The following DRG2 variants were observed in gnomAD, a reference collection of about 807,000 sequenced individuals.
The protein encoded by DRG2 is developmentally-regulated GTP-binding protein 2.
DRG2 carries 36 observed loss-of-function variants against 53.4 expected under a neutral mutation model. The observed-to-expected ratio is 0.67, with a 90% CI of 0.52 to 0.89. The LOEUF is 0.89. Ranked by LOEUF, DRG2 falls within the 40% of genes least tolerant of loss-of-function variation. The probability of loss-of-function intolerance (pLI) is 0.00; values close to 1 mark genes in which losing one functional copy is unlikely to be tolerated. For missense variants in DRG2, 342 were observed against 481.2 expected (o/e 0.71, Z 2.71); for synonymous variants, 167 against 192.1 (o/e 0.87, Z 1.08).
At chr17:18,107,054 C>A in intron 12 of DRG2, 100 bp from the exon 13 acceptor site, 1 of 1,100,574 alleles carries the variant, frequency 9.1e-7, no homozygotes, top group Non-Finnish European at 1.4e-6. Flanking sequence ...CACCTTATGC[C>A]ATGGCATTTA....
intron 12 of DRG2, 134 bp from the exon 13 acceptor site, chr17:18,107,020 G>A (rs988970639): frequency 9.6e-6 from 7 of 726,970 alleles, no homozygotes; most frequent in East Asian, 2.7e-5. Context: ...AGACAACTGC[G>A]GACATCCTGC....
At position 18,100,552 on chromosome 17, in the gene DRG2, C is replaced by T; in HGVS notation, c.541-17C>T. On this transcript the variant is annotated splice_polypyrimidine_tract_variant and intron_variant, in intron 6 of 12. Transcript: ENST00000225729. The surrounding 1 kb of genome is among the most constrained non-coding windows in gnomAD (Gnocchi z 4.1). ...CCCTCGGTCAGCAGTTCTCCCCATC[C>T]CTTTCTCCTCTTTCAGCCCAAGAAA... 1.2e-6 allele frequency: 2 copies of T among 1,614,148 alleles called. No homozygotes were observed. Among genetic ancestry groups the T allele is most frequent in the Non-Finnish European group, 1.7e-6 (2 of 1,179,962 alleles).
Position 18,099,153 on chromosome 17 carries a change from T to C in DRG2, c.376+76T>C, listed in dbSNP as rs1216964484. On this transcript the variant is annotated intron_variant, in intron 4 of 12. Transcript: ENST00000225729. This position sits in a 1 kb window ranked among gnomAD's most constrained non-coding sequence, Gnocchi z 4.4. ...TCGTTGAAATTGGGTGTGGCTGTCA[T>C]GGAGATCACTCTGGATCCCTGGTCC... 3 of 1,582,428 alleles carry C rather than the reference T, an allele frequency of 1.9e-6. No homozygotes were observed. Among genetic ancestry groups the C allele is most frequent in the East Asian group, 2.2e-5 (1 of 44,680 alleles).
rs138795111 is a variant in DRG2 at position 18,093,889 on chromosome 17, G to T, written c.141G>T (p.Ser47=). Residue 47 remains serine (S), a synonymous_variant, in exon 2 of 13, where the codon TCG becomes TCT. Transcript: ENST00000225729. ...CCCAGCTCCTGGAACCGTCCAAATC[G>T]GCCTCGTCCAAAGGAGAGGGCTTTG... The part of the protein sequence containing the change: ...YRAQLLEPSK[S]ASSKGEGFDV... The T allele has an allele frequency of 2.5e-6, 4 of 1,614,132 alleles. No individual in the cohort carries two copies. The highest frequency in any genetic ancestry group is 4.5e-5 in the East Asian group (2 of 44,870).
chr17:18,088,032 C>T lies in DRG2; in HGVS notation c.9C>T (p.Ile3=), dbSNP rs1455639218. 1 of 1,549,788 alleles carries T rather than the reference C, an allele frequency of 6.5e-7. No homozygotes were observed. Among genetic ancestry groups the T allele is most frequent in the African/African-American group, 1.4e-5 (1 of 73,100 alleles). ...CCACCTCTGCTGCTACCATGGGGAT[C>T]TTAGAGAAGATCTCGGAGATCGAGA... MG[I]LEKISEIEKE... The change falls in exon 1 of 13, where the codon ATC becomes ATT. Residue 3 remains isoleucine (I), a synonymous_variant. Coordinates refer to ENST00000225729, the MANE Select transcript of DRG2 (RefSeq NM_001388.5).
chr17:18,106,517 G>A, intron 12 of DRG2, 31 bp downstream of exon 12: 2 of 1,613,284 alleles, frequency 1.2e-6, no homozygotes, highest in East Asian at 2.2e-5. Flanking sequence ...CAACCAGGGG[G>A]GTAGACCCAG....
At chr17:18,101,841 C>A in intron 8 of DRG2, 80 bp from the exon 9 acceptor site, 1 of 1,473,672 alleles carries the variant, frequency 6.8e-7, no homozygotes, top group Non-Finnish European at 9.3e-7. Context: ...AGGGCTGCAG[C>A]CGGCACAGGG....
intron 1 of DRG2, among the ~76,000 whole-genome samples, chr17:18,089,993 G>A (rs2045285497): frequency 6.6e-6 from 1 of 151,984 alleles, no homozygotes; most frequent in African/African-American, 2.4e-5. Flanking sequence ...GTTCCCTCTG[G>A]CTGCTGTAAT....
chr17:18,095,774 T>C (rs1247725955), intron 2 of DRG2: 1 of 152,232 alleles, frequency 6.6e-6, no homozygotes, highest in Non-Finnish European at 1.5e-5. Flanking sequence ...AGTTCCCATA[T>C]ACCCCACACC....
At position 18,087,955 on chromosome 17, in the gene DRG2, C is replaced by T. The variant is rs561745926; in HGVS notation, c.-69C>T. ...GGCTTCCGGGCGCACGCTACTCTGT[C>T]GCCGCCGTCAGACCGGAATTGCCGG... On this transcript the variant is annotated 5_prime_UTR_variant, in exon 1 of 13. Transcript: ENST00000225729. The T allele has an allele frequency of 1.3e-4, 200 of 1,518,118 alleles. 1 individual carries two copies. The African/African-American group carries it at 2.6e-3, about 20-fold the overall frequency. The allele number at this position is 1,518,118 out of a possible 1,614,324, so 94.0% of individuals were successfully genotyped here.
chr17:18,099,848 C>A lies in DRG2; in HGVS notation c.467+125C>A. 1.0e-6 allele frequency: 1 copy of A among 974,886 alleles called. No homozygotes were observed. Among genetic ancestry groups the A allele is most frequent in the Non-Finnish European group, 1.6e-6 (1 of 643,098 alleles). The allele number at this position is 974,886 out of a possible 1,614,324, so 60.4% of individuals were successfully genotyped here. ...ACGTGAGAGTAGTGGTAGGACTTGT[C>A]ACAGACTAAACCCAACACCACCCAG... On this transcript the variant is annotated intron_variant, in intron 5 of 12. Coordinates refer to ENST00000225729, the MANE Select transcript of DRG2 (RefSeq NM_001388.5). This position sits in a 1 kb window ranked among gnomAD's most constrained non-coding sequence, Gnocchi z 4.4.
chr17:18,100,038 T>C lies in DRG2; in HGVS notation c.467+315T>C. 3 of 576,794 alleles carry C rather than the reference T, an allele frequency of 5.2e-6. No homozygotes were observed. The highest frequency in any genetic ancestry group is 9.3e-6 in the Non-Finnish European group (3 of 323,252). The allele number at this position is 576,794 out of a possible 1,614,324, so 35.7% of individuals were successfully genotyped here. ...CCAGCCCCAGGCACAGAAGCATTGTTCATCCACATCCTGGCAGAGGGGTAC... is the reference window on the plus strand; with the variant it reads ...CCAGCCCCAGGCACAGAAGCATTGTCCATCCACATCCTGGCAGAGGGGTAC... On this transcript the variant is annotated intron_variant, in intron 5 of 12. Coordinates refer to ENST00000225729, the MANE Select transcript of DRG2 (RefSeq NM_001388.5). The surrounding 1 kb of genome is among the most constrained non-coding windows in gnomAD (Gnocchi z 4.1).
At chr17:18,092,153 C>A in intron 1 of DRG2, 1 of 152,106 alleles carries the variant, frequency 6.6e-6, no homozygotes, top group South Asian at 2.1e-4. Context: ...GGAATGATGT[C>A]AGCATATTCT....
At chr17:18,106,287 C>A in intron 11 of DRG2, 146 bp from the exon 12 acceptor site, 1 of 817,080 alleles carries the variant, frequency 1.2e-6, no homozygotes, top group South Asian at 1.5e-5. Context: ...CACGTCAGTC[C>A]TCCACACAAG....
chr17:18,107,225 G>T lies in DRG2; in HGVS notation c.1080G>T (p.Gln360His). ...CCATGGAGCATGAGGACGTCATCCAGATCGTGAAGAAGTAACGGCGCCTGC... is the reference window on the plus strand; with the variant it reads ...CCATGGAGCATGAGGACGTCATCCATATCGTGAAGAAGTAACGGCGCCTGC... The part of the protein sequence containing the change: ...THTMEHEDVI[Q>H]IVKK The change falls in exon 13 of 13, where the codon CAG becomes CAT. Residue 360 changes from glutamine to histidine, a missense_variant. Physicochemically the swap from Gln to His is conservative, Grantham distance 24. Coordinates refer to ENST00000225729, the MANE Select transcript of DRG2 (RefSeq NM_001388.5). The T allele has an allele frequency of 2.5e-6, 4 of 1,613,220 alleles. No individual in the cohort carries two copies. Among genetic ancestry groups the T allele is most frequent in the Non-Finnish European group, 3.4e-6 (4 of 1,180,022 alleles).
chr17:18,090,831 C>T (rs985727022), intron 1 of DRG2, among the ~76,000 whole-genome samples: 13 of 151,306 alleles, frequency 8.6e-5, no homozygotes, highest in Non-Finnish European at 1.5e-4. Context: ...CCACCCCACC[C>T]GGCCAATTTT....
At chr17:18,092,589 A>C (rs1018213280) in intron 1 of DRG2, among the ~76,000 whole-genome samples, 39 of 152,344 alleles carry the variant, frequency 2.6e-4, no homozygotes, top group African/African-American at 8.4e-4. Context: ...CACCATTTAC[A>C]GTCCTGAAAT....
At chr17:18,101,822 C>A in intron 8 of DRG2, 99 bp from the exon 9 acceptor site, 1 of 1,399,270 alleles carries the variant, frequency 7.1e-7, no homozygotes, top group Non-Finnish European at 9.8e-7. Context: ...AGACTCAGCT[C>A]TCCAAGGAAG....
rs1222373561 is a variant in DRG2, at chr17:18,103,575, C to T, written c.807-226C>T. 6.6e-6 allele frequency among the ~76,000 whole-genome samples: 1 copy of T among 152,226 alleles called. No homozygotes were observed. The highest frequency in any genetic ancestry group is 1.5e-5 in the Non-Finnish European group (1 of 68,040). On this transcript the variant is annotated intron_variant, in intron 9 of 12. Coordinates refer to ENST00000225729, the MANE Select transcript of DRG2 (RefSeq NM_001388.5). The surrounding 1 kb of genome is among the most constrained non-coding windows in gnomAD (Gnocchi z 4.4). ...CCTCCACAGAGCACAGGCTTGCCAG[C>T]CCCTAGGAGAGATGCTGACCCTGGT... is the stretch of plus-strand genomic sequence containing the variant.
Sources: gnomAD v4.1 joint callset for allele counts (sites outside exome capture counted in the v4.1 genomes callset) on GRCh38, gnomAD v4.1.1 for gene constraint, Gnocchi (gnomAD v3.1) non-coding constraint, MANE v1.5 for transcripts, NCBI Gene and HGNC (gene_info 2026-07-23, HGNC 2026-07-21) for gene names.